RYR2: variants seen among roughly 807,000 people sequenced by gnomAD.
RYR2 encodes cardiac muscle ryanodine receptor-calcium release channel.
Under a neutral mutation model 601.1 loss-of-function variants are expected in RYR2, and 227 were observed. The observed-to-expected ratio is 0.38, with a 90% CI of 0.34 to 0.42. The LOEUF (loss-of-function observed/expected upper bound fraction) is 0.42. Among genes scored for constraint, RYR2 ranks in the 10% least tolerant of loss-of-function variants. RYR2 has a pLI of 1.00. For missense variants in RYR2, 4,646 were observed against 6,156.5 expected, an observed-to-expected ratio of 0.75 and a Z score of 8.21; for synonymous variants, 2,223 against 2,175.1, an observed-to-expected ratio of 1.02 and a Z score of -0.61.
chr1:237,545,262 T>A (rs992880237), intron 25 of RYR2, among the ~76,000 whole-genome samples: 1 of 152,260 alleles, frequency 6.6e-6, no homozygotes, highest in Admixed American at 6.5e-5. Context: ...TTATCCAGCT[T>A]CGCACATTAG....
chr1:237,208,768 G>C (rs948179778), intron 1 of RYR2, among the ~76,000 whole-genome samples: 1 of 151,492 alleles, frequency 6.6e-6, no homozygotes, highest in Non-Finnish European at 1.5e-5. Context: ...CCAATACAGT[G>C]TTATTAACTA....
chr1:237,647,988 C>A (rs889571963), intron 48 of RYR2, among the ~76,000 whole-genome samples: 2 of 152,158 alleles, frequency 1.3e-5, no homozygotes, highest in Non-Finnish European at 2.9e-5. Context: ...AGTGTCATTT[C>A]ATCATTTCGT....
intron 1 of RYR2, among the ~76,000 whole-genome samples, chr1:237,069,540 A>G (rs1477628667): frequency 6.8e-6 from 1 of 146,168 alleles, no homozygotes; most frequent in Non-Finnish European, 1.5e-5. Context: ...GAATGTTTAT[A>G]TAACATTTAA....
chr1:237,497,943 C>G (rs1664248044), intron 20 of RYR2, among the ~76,000 whole-genome samples: 1 of 151,862 alleles, frequency 6.6e-6, no homozygotes, highest in Non-Finnish European at 1.5e-5. Context: ...CTCATTGCAG[C>G]CTCTGCCTCC....
At chr1:237,230,003 G>A (rs1684807927) in intron 1 of RYR2, among the ~76,000 whole-genome samples, 1 of 152,084 alleles carries the variant, frequency 6.6e-6, no homozygotes, top group Non-Finnish European at 1.5e-5. Flanking sequence ...TTTGCCATTT[G>A]CTTCCACAAT....
chr1:237,504,823 G>T (rs1298687131), intron 22 of RYR2, among the ~76,000 whole-genome samples: 1 of 152,070 alleles, frequency 6.6e-6, no homozygotes. Context: ...ATTTTTCCAC[G>T]AGCCGGTGGG....
At chr1:237,091,534 C>T (rs1666957726) in intron 1 of RYR2, among the ~76,000 whole-genome samples, 1 of 152,122 alleles carries the variant, frequency 6.6e-6, no homozygotes, top group Non-Finnish European at 1.5e-5. Context: ...AAGCAATTCT[C>T]CTGCCTCAGC....
At chr1:237,293,331 C>T (rs544061730) in intron 2 of RYR2, among the ~76,000 whole-genome samples, 6 of 152,174 alleles carry the variant, frequency 3.9e-5, no homozygotes, top group Non-Finnish European at 8.8e-5. Context: ...CTCAGCCTCT[C>T]AAGTAGCTGG....
At chr1:237,401,567 G>C (rs1703349934) in intron 10 of RYR2, among the ~76,000 whole-genome samples, 2 of 151,896 alleles carry the variant, frequency 1.3e-5, no homozygotes, top group African/African-American at 4.9e-5. Flanking sequence ...CCTGAATGCA[G>C]AGCTTCTCGT....
In RYR2 at chr1:237,798,801, C is replaced by CACACACACACACAT. The variant is rs3835529; in HGVS notation, c.14090+632_14090+633insCACACACACACATA. ...TCACACACACACACACACACACACA[C>CACACACACACACAT]ATATAGTGTGAGTGTACAGATATAT... On this transcript the variant is annotated intron_variant, in intron 97 of 104. Transcript: ENST00000366574. Among the ~76,000 whole-genome samples the CACACACACACACAT allele has an allele frequency of 2.9e-3, 436 of 148,386 alleles. 2 individuals are homozygous for CACACACACACACAT. Among genetic ancestry groups the CACACACACACACAT allele is most frequent in the African/African-American group, 0.01 (389 of 38,682 alleles).
chr1:237,174,868 T>C (rs1342664468), intron 1 of RYR2, among the ~76,000 whole-genome samples: 1 of 152,206 alleles, frequency 6.6e-6, no homozygotes, highest in Non-Finnish European at 1.5e-5. Context: ...CTATTAAATA[T>C]ACTCCACATT....
intron 3 of RYR2, among the ~76,000 whole-genome samples, chr1:237,346,763 A>G (rs763418837): frequency 6.4e-4 from 97 of 152,316 alleles, no homozygotes; most frequent in Admixed American, 1.8e-3. Context: ...AATTACACTT[A>G]TGGTAAATTT....
At chr1:237,347,711 A>G (rs1290046631) in intron 3 of RYR2, among the ~76,000 whole-genome samples, 1 of 152,152 alleles carries the variant, frequency 6.6e-6, no homozygotes, top group Non-Finnish European at 1.5e-5. Context: ...CTACCTAGAA[A>G]TAGTATTAGT....
chr1:237,754,991 C>A, intron 80 of RYR2: 1 of 919,164 alleles, frequency 1.1e-6, no homozygotes, highest in Non-Finnish European at 1.5e-6. Flanking sequence ...TTTAAGAAAA[C>A]ATAAAATTAA....
Position 237,503,473 on chromosome 1 carries a change from G to A in RYR2, c.2581G>A (p.Ala861Thr). The change falls in exon 22 of 105, where the codon GCC (alanine) becomes ACC (threonine). Residue 861 changes from alanine to threonine, a missense_variant. Ala to Thr is a moderately conservative substitution (Grantham distance 58, BLOSUM62 0). Transcript: ENST00000366574. Reference sequence around the variant, plus strand: ...CCCCACAGTTTCCCTGACGCAAGCTGCCTTCACACCCATCCCTGTGGATAC... The same window carrying A: ...CCCCACAGTTTCCCTGACGCAAGCTACCTTCACACCCATCCCTGTGGATAC... ...LGPTVSLTQA[A>T]FTPIPVDTSQ... is the part of the protein sequence containing the mutation. The A allele has an allele frequency of 3.7e-6, 6 of 1,613,862 alleles. No individual in the cohort carries two copies. The highest frequency in any genetic ancestry group is 5.1e-6 in the Non-Finnish European group (6 of 1,179,884).
chr1:237,559,297 C>G (rs1420219510), intron 27 of RYR2, among the ~76,000 whole-genome samples: 1 of 152,184 alleles, frequency 6.6e-6, no homozygotes, highest in African/African-American at 2.4e-5. Context: ...CCATCACCCT[C>G]TCTCTAATTC....
rs74718723 is a variant in RYR2, at chr1:237,439,842, A to C, written c.1006-1477A>C. Among the ~76,000 whole-genome samples the C allele has an allele frequency of 3.9e-5, 6 of 152,062 alleles. No homozygotes were observed. In the East Asian group the frequency reaches 1.2e-3, roughly 29 times the overall value. The stretch of plus-strand genomic sequence containing the variant: ...CTTGAAGAAAAGACCAAAAAAAAAA[A>C]ATGTTAGAGGCTCACTGTTCTATTC... On this transcript the variant is annotated intron_variant, in intron 12 of 104. Coordinates refer to ENST00000366574, the MANE Select transcript of RYR2 (RefSeq NM_001035.3).
intron 1 of RYR2, among the ~76,000 whole-genome samples, chr1:237,196,311 T>C (rs984017469): frequency 1.1e-4 from 17 of 152,254 alleles, no homozygotes; most frequent in African/African-American, 3.4e-4. Flanking sequence ...ATAATAAAAT[T>C]GCCTTCTATG....
rs775660945 is a variant in RYR2 at position 237,757,685 on chromosome 1, T to C, written c.11246-12T>C. The C allele has an allele frequency of 1.3e-6, 2 of 1,576,104 alleles. No homozygotes were observed. Among genetic ancestry groups the C allele is most frequent in the Non-Finnish European group, 1.7e-6 (2 of 1,145,706 alleles). ...AATGATATAAGGAACACTACTTTTTTATATTTCTTAGGTGAAACTGGACCA... is the reference window on the plus strand; with the variant it reads ...AATGATATAAGGAACACTACTTTTTCATATTTCTTAGGTGAAACTGGACCA... On this transcript the variant is annotated splice_polypyrimidine_tract_variant and intron_variant, in intron 81 of 104. Coordinates refer to ENST00000366574, the MANE Select transcript of RYR2 (RefSeq NM_001035.3).
Sources: allele counts gnomAD v4.1 joint callset (sites outside exome capture counted in the v4.1 genomes callset), GRCh38; gene constraint gnomAD v4.1.1; transcripts MANE v1.5; gene names NCBI Gene and HGNC (gene_info 2026-07-23, HGNC 2026-07-21).